Variants in FBXO22 observed in about 807,000 individuals in gnomAD.
FBXO22 encodes F-box protein 22, also known as F-box only protein 22.
FBXO22 carries 13 observed loss-of-function variants against 37.2 expected under a neutral mutation model. The ratio of observed to expected loss-of-function variants is 0.35; its 90% CI spans 0.23 to 0.56. The LOEUF is 0.56. FBXO22 is among the 20% of genes least tolerant of loss of function. The pLI is 0.87. For missense variants in FBXO22, 446 were observed against 509.9 expected (o/e 0.87, Z 1.21); for synonymous variants, 189 against 189.1 (o/e 1.00, Z 0.00).
chr15:75,925,694 G>A (rs897757535), intron 5 of FBXO22, among the ~76,000 whole-genome samples: 4 of 141,252 alleles, frequency 2.8e-5, no homozygotes, highest in Admixed American at 2.8e-4. Context: ...AAAAAAAAGC[G>A]ATGCTGACAT....
At chr15:75,925,837 G>A (rs990388081) in intron 5 of FBXO22, among the ~76,000 whole-genome samples, 1 of 152,050 alleles carries the variant, frequency 6.6e-6, no homozygotes, top group Non-Finnish European at 1.5e-5. Context: ...AGGAGGGTGG[G>A]GGCTTGGTGG....
intron 5 of FBXO22, among the ~76,000 whole-genome samples, chr15:75,928,447 C>G (rs1371711054): frequency 1.3e-5 from 2 of 152,096 alleles, no homozygotes; most frequent in Non-Finnish European, 2.9e-5. Flanking sequence ...ATGGATGGAG[C>G]TGGAGGCCAT....
chr15:75,908,075 G>C (rs913516100), intron 2 of FBXO22, among the ~76,000 whole-genome samples: 2 of 152,160 alleles, frequency 1.3e-5, no homozygotes, highest in Non-Finnish European at 2.9e-5. Context: ...ATTGAGGCTT[G>C]TTATGTCACT....
chr15:75,913,621 C>T (rs1033261137), intron 3 of FBXO22, among the ~76,000 whole-genome samples: 2 of 152,086 alleles, frequency 1.3e-5, no homozygotes, highest in African/African-American at 4.8e-5. Flanking sequence ...AACATGAGGT[C>T]CCATTTACTA....
intron 5 of FBXO22, among the ~76,000 whole-genome samples, chr15:75,924,320 A>G (rs1176855041): frequency 6.6e-6 from 1 of 152,140 alleles, no homozygotes. Flanking sequence ...TGCTAATGCA[A>G]AGGCTTTATT....
intron 5 of FBXO22, among the ~76,000 whole-genome samples, chr15:75,920,191 T>C (rs1165538892): frequency 6.6e-6 from 1 of 152,160 alleles, no homozygotes; most frequent in African/African-American, 2.4e-5. Flanking sequence ...AGACTTGATA[T>C]TGGTAGGCTA....
chr15:75,929,719 G>A (rs773370197), intron 5 of FBXO22, among the ~76,000 whole-genome samples, 165 bp from the exon 6 acceptor site: 1 of 151,968 alleles, frequency 6.6e-6, no homozygotes, highest in African/African-American at 2.4e-5. Context: ...AGATCGAAGA[G>A]GATATAAAAT....
At chr15:75,915,821 GC>G (rs1402974370) in intron 4 of FBXO22, among the ~76,000 whole-genome samples, 1 of 151,228 alleles carries the variant, frequency 6.6e-6, no homozygotes, top group East Asian at 1.9e-4. Flanking sequence ...AATTGCTTGA[GC>G]CCGGGAGGCA....
At chr15:75,923,165 C>T (rs1900366649) in intron 5 of FBXO22, among the ~76,000 whole-genome samples, 1 of 152,088 alleles carries the variant, frequency 6.6e-6, no homozygotes, top group Non-Finnish European at 1.5e-5. Flanking sequence ...GAAGCTAGGA[C>T]CCTAGTTTTG....
intron 1 of FBXO22, 185 bp from the exon 2 acceptor site, chr15:75,904,306 C>T (rs754519747): frequency 8.0e-5 from 89 of 1,106,186 alleles, no homozygotes; most frequent in Middle Eastern, 3.0e-4. Flanking sequence ...CGAAGTTCCC[C>T]TTAAGGTTTT....
chr15:75,911,757 C>G (rs923958669), intron 2 of FBXO22, among the ~76,000 whole-genome samples: 11 of 151,332 alleles, frequency 7.3e-5, no homozygotes, highest in Admixed American at 6.6e-4. Flanking sequence ...ATGCTTTATT[C>G]TTTCTCTTGC....
chr15:75,928,546 C>T (rs113399117), intron 5 of FBXO22, among the ~76,000 whole-genome samples: 5 of 152,182 alleles, frequency 3.3e-5, no homozygotes, highest in East Asian at 3.9e-4. Context: ...AATACATCGA[C>T]GCAAAGAGGG....
intron 5 of FBXO22, among the ~76,000 whole-genome samples, chr15:75,921,209 G>A (rs1040820197): frequency 1.3e-5 from 2 of 152,186 alleles, no homozygotes; most frequent in South Asian, 2.1e-4. Flanking sequence ...ATGAAAGACA[G>A]TATACCTCTA....
In FBXO22 at chr15:75,914,167, A is replaced by T. The variant is rs1177925646; in HGVS notation, c.425A>T (p.Gln142Leu). The change falls in exon 4 of 7, where the codon CAA (glutamine) becomes CTA (leucine). Residue 142 changes from glutamine (Q) to leucine (L), a missense_variant. Physicochemically the swap from Gln to Leu is moderately radical, Grantham distance 113. Around this residue, in one of 2 missense-constraint regions of FBXO22, gnomAD observed 315 missense variants for 410.1 expected, o/e 0.77. Coordinates refer to ENST00000308275, the MANE Select transcript of FBXO22 (RefSeq NM_147188.3). ...ALALEKLFPK[Q>L]CQVLGIVTPG... The stretch of plus-strand genomic sequence containing the variant: ...GCCCTTGAGAAGCTATTCCCCAAAC[A>T]ATGCCAAGTCCTTGGGATTGTGACC... The T allele has an allele frequency of 6.2e-7, 1 of 1,613,886 alleles. No individual in the cohort carries two copies. Among genetic ancestry groups the T allele is most frequent in the Non-Finnish European group, 8.5e-7 (1 of 1,179,896 alleles).
Position 75,939,748 on chromosome 15 carries a change from A to C in FBXO22, c.*6646A>C, listed in dbSNP as rs1444026466. On this transcript the variant is annotated 3_prime_UTR_variant, in exon 7 of 7. Transcript: ENST00000308275. ...TGTTCAACATACAAAAATCAATATAATATACTACATTAACAGAACGAAGCG... is the reference window on the plus strand; with the variant it reads ...TGTTCAACATACAAAAATCAATATACTATACTACATTAACAGAACGAAGCG... 1.3e-5 allele frequency: 2 copies of C among 152,166 alleles called. No homozygotes were observed. The highest frequency in any genetic ancestry group is 2.9e-5 in the Non-Finnish European group (2 of 67,984). The allele number at this position is 152,166 out of a possible 1,614,324, so 9.4% of individuals were successfully genotyped here.
At chr15:75,925,392 C>T (rs1567055344) in intron 5 of FBXO22, among the ~76,000 whole-genome samples, 1 of 152,090 alleles carries the variant, frequency 6.6e-6, no homozygotes, top group Admixed American at 6.6e-5. Flanking sequence ...TGTTCAGGTT[C>T]TTTCTGCTCC....
intron 2 of FBXO22, among the ~76,000 whole-genome samples, chr15:75,907,299 AGTT>A (rs1899951357): frequency 6.6e-6 from 1 of 152,236 alleles, no homozygotes; most frequent in Admixed American, 6.5e-5. Context: ...GCCCTTATAG[AGTT>A]GTTGTGAGGA....
intron 6 of FBXO22, chr15:75,930,677 C>T (rs1229062977): frequency 2.0e-6 from 2 of 985,384 alleles, no homozygotes; most frequent in South Asian, 9.4e-5. Context: ...CCATTACTTC[C>T]TTTCCATCTT....
At chr15:75,926,737 T>TG (rs1309894051) in intron 5 of FBXO22, among the ~76,000 whole-genome samples, 19 of 152,006 alleles carry the variant, frequency 1.2e-4, no homozygotes, top group Admixed American at 1.2e-3. Context: ...GAAGGAAGGA[T>TG]GGGGAAGGAT....
Sources: allele counts gnomAD v4.1 joint callset (sites outside exome capture counted in the v4.1 genomes callset), GRCh38; gene constraint gnomAD v4.1.1; regional missense constraint gnomAD v4.1.1; transcripts MANE v1.5; gene names NCBI Gene and HGNC (gene_info 2026-07-23, HGNC 2026-07-21).